The following CNIH3 variants were observed in gnomAD, a reference collection of about 807,000 sequenced individuals.
The protein encoded by CNIH3 is protein cornichon homolog 3.
A neutral mutation model predicts 24.1 loss-of-function variants in CNIH3; 14 were observed. The ratio of observed to expected loss-of-function variants is 0.58; its 90% CI spans 0.38 to 0.91. The LOEUF (loss-of-function observed/expected upper bound fraction) is 0.91. Among genes scored for constraint, CNIH3 ranks in the 40% least tolerant of loss-of-function variants. The probability of loss-of-function intolerance (pLI) is 0.00; values close to 1 mark genes in which losing one functional copy is unlikely to be tolerated. For synonymous variants in CNIH3, 68 were observed against 73.8 expected, an observed-to-expected ratio of 0.92 and a Z score of 0.40; for missense variants, 178 against 196.8, an observed-to-expected ratio of 0.90 and a Z score of 0.57.
At chr1:224,465,309 G>C (rs906130680) in intron 1 of CNIH3, among the ~76,000 whole-genome samples, 1 of 152,070 alleles carries the variant, frequency 6.6e-6, no homozygotes. Flanking sequence ...GGGTTTCTCC[G>C]TGTTGGTCAG....
chr1:224,566,024 G>T (rs1680566589), intron 3 of CNIH3, among the ~76,000 whole-genome samples: 1 of 112,338 alleles, frequency 8.9e-6, no homozygotes. Context: ...TCCTTGCCTG[G>T]CTTTCTGTTT....
At chr1:224,558,373 A>C (rs753907720) in intron 3 of CNIH3, among the ~76,000 whole-genome samples, 1 of 152,044 alleles carries the variant, frequency 6.6e-6, no homozygotes, top group Non-Finnish European at 1.5e-5. Context: ...ACCACATACT[A>C]TTGGTCAAAG....
At position 224,691,424 on chromosome 1, in the gene CNIH3, G is replaced by A. The variant is rs866178509; in HGVS notation, c.198+6581G>A. 6.6e-5 allele frequency among the ~76,000 whole-genome samples: 10 copies of A among 152,342 alleles called. No individual in the cohort carries two copies. In the South Asian group the frequency reaches 1.0e-3, roughly 16 times the overall value. On this transcript the variant is annotated intron_variant, in intron 3 of 5. Transcript: ENST00000272133. ...CTTGTCCACTGCAAAGTGGGCAGGC[G>A]TGGGAGTGTGTGTCAAGGCTGTGAG...
chr1:224,507,053 C>T (rs773333534), intron 1 of CNIH3, among the ~76,000 whole-genome samples: 8 of 151,952 alleles, frequency 5.3e-5, no homozygotes, highest in African/African-American at 7.3e-5. Flanking sequence ...TTTGTAGAGA[C>T]GGGGTTTCAC....
intron 1 of CNIH3, among the ~76,000 whole-genome samples, chr1:224,451,249 G>A (rs570074519): frequency 2.0e-5 from 3 of 152,270 alleles, no homozygotes; most frequent in Admixed American, 6.5e-5. Context: ...GCCGTGGCTC[G>A]GGGCAGCCTC....
At chr1:224,631,426 C>G (rs1378205777) in intron 1 of CNIH3, among the ~76,000 whole-genome samples, 4 of 152,242 alleles carry the variant, frequency 2.6e-5, no homozygotes, top group African/African-American at 9.6e-5. Flanking sequence ...GTTCAGAAGT[C>G]TGTGGTTGTT....
chr1:224,501,529 T>A (rs539207269), intron 1 of CNIH3, among the ~76,000 whole-genome samples: 12,278 of 146,668 alleles, frequency 0.084, 1,437 homozygotes, highest in African/African-American at 0.27. Flanking sequence ...ATATATATTT[T>A]TTTTTTTTAA....
intron 4 of CNIH3, among the ~76,000 whole-genome samples, chr1:224,732,996 T>C (rs569920680): frequency 6.4e-4 from 97 of 152,202 alleles, no homozygotes; most frequent in Middle Eastern, 3.4e-3. Context: ...CCAGAGCCCT[T>C]GTACACCCTT....
chr1:224,657,559 AT>A (rs1489166282), intron 1 of CNIH3, among the ~76,000 whole-genome samples: 1 of 152,246 alleles, frequency 6.6e-6, no homozygotes, highest in Non-Finnish European at 1.5e-5. Flanking sequence ...AATATTTCAA[AT>A]AAAAGACATA....
chr1:224,670,605 C>T, intron 1 of CNIH3, among the ~76,000 whole-genome samples: 1 of 152,188 alleles, frequency 6.6e-6, no homozygotes, highest in East Asian at 1.9e-4. Flanking sequence ...GGCTCCTCAT[C>T]CCTAAATGGA....
chr1:224,676,193 G>A (rs1185156279), intron 1 of CNIH3, among the ~76,000 whole-genome samples: 2 of 152,202 alleles, frequency 1.3e-5, no homozygotes, highest in Non-Finnish European at 2.9e-5. Context: ...GCAACAGTGT[G>A]GCTTAAACTT....
chr1:224,737,640 A>G (rs1689661369), intron 5 of CNIH3, among the ~76,000 whole-genome samples: 1 of 152,168 alleles, frequency 6.6e-6, no homozygotes, highest in African/African-American at 2.4e-5. Context: ...AACTGAGCTC[A>G]GGGCTAGAGA....
At chr1:224,641,066 G>A (rs895370803) in intron 1 of CNIH3, among the ~76,000 whole-genome samples, 4 of 152,212 alleles carry the variant, frequency 2.6e-5, no homozygotes, top group Non-Finnish European at 5.9e-5. Flanking sequence ...CAGGGGCTCT[G>A]AGGTTCATTT....
upstream of CNIH3, among the ~76,000 whole-genome samples, chr1:224,614,723 T>C (rs760579226): frequency 1.3e-5 from 2 of 151,778 alleles, no homozygotes; most frequent in African/African-American, 2.4e-5. Flanking sequence ...CCGAGGTGGG[T>C]AGATCACGAG....
In CNIH3 at chr1:224,708,826, C is replaced by G. The variant is rs112042117; in HGVS notation, c.199-21636C>G. Among the ~76,000 whole-genome samples the G allele has an allele frequency of 3.1e-3, 475 of 152,318 alleles. 1 individual carries two copies. The highest frequency in any genetic ancestry group is 0.011 in the African/African-American group (452 of 41,574). On this transcript the variant is annotated intron_variant, in intron 3 of 5. Coordinates refer to ENST00000272133, the MANE Select transcript of CNIH3 (RefSeq NM_152495.2). Reference sequence around the variant, plus strand: ...GCCTTCTGCCCTTGTTTTCCTCTTGCTCTGTACTAAGAGTTGCTATTGGCA... The same window carrying G: ...GCCTTCTGCCCTTGTTTTCCTCTTGGTCTGTACTAAGAGTTGCTATTGGCA...
intron 1 of CNIH3, among the ~76,000 whole-genome samples, chr1:224,660,879 A>G (rs1321204000): frequency 6.6e-6 from 1 of 152,212 alleles, no homozygotes. Context: ...GTTAGTGTAC[A>G]ATCTTGTCCT....
At chr1:224,729,254 A>G (rs1430910008) in intron 3 of CNIH3, among the ~76,000 whole-genome samples, 2 of 151,964 alleles carry the variant, frequency 1.3e-5, no homozygotes, top group Non-Finnish European at 2.9e-5. Context: ...CTACTGAAAA[A>G]TATGAAAATT....
chr1:224,641,470 C>T (rs981824856), intron 1 of CNIH3, among the ~76,000 whole-genome samples: 40 of 152,210 alleles, frequency 2.6e-4, no homozygotes, highest in African/African-American at 9.6e-4. Context: ...GAGAACTCTT[C>T]TTCTGGAGAA....
upstream of CNIH3, among the ~76,000 whole-genome samples, chr1:224,613,760 A>G (rs2125054907): frequency 6.6e-6 from 1 of 152,282 alleles, no homozygotes; most frequent in East Asian, 1.9e-4. Context: ...TTCTACCATG[A>G]ATAAAAGCAA....
Sources: allele counts gnomAD v4.1 joint callset (sites outside exome capture counted in the v4.1 genomes callset), GRCh38; gene constraint gnomAD v4.1.1; transcripts MANE v1.5; gene names NCBI Gene and HGNC (gene_info 2026-07-23, HGNC 2026-07-21).